NAALADL2: variants seen among roughly 807,000 people sequenced by gnomAD.
The protein encoded by NAALADL2 is N-acetylated alpha-linked acidic dipeptidase like 2.
NAALADL2 carries 76 observed loss-of-function variants against 87.2 expected under a neutral mutation model. That is an observed-to-expected ratio of 0.87 (90% CI 0.72 to 1.05). The LOEUF (loss-of-function observed/expected upper bound fraction) is 1.05. NAALADL2 is among the 50% of genes least tolerant of loss of function. NAALADL2 has a pLI of 0.00. For missense variants in NAALADL2, 1,089 were observed against 945.8 expected, an observed-to-expected ratio of 1.15 and a Z score of -1.99; for synonymous variants, 354 against 331.0, an observed-to-expected ratio of 1.07 and a Z score of -0.75.
intron 10 of NAALADL2, among the ~76,000 whole-genome samples, chr3:175,621,495 C>T (rs1187123313): frequency 6.6e-6 from 1 of 152,116 alleles, no homozygotes; most frequent in Non-Finnish European, 1.5e-5. Flanking sequence ...TATTTAATTA[C>T]CAAGGCTTGG....
chr3:174,713,163 A>G (rs576696949), intron 2 of NAALADL2, among the ~76,000 whole-genome samples: 4 of 152,322 alleles, frequency 2.6e-5, no homozygotes, highest in South Asian at 2.1e-4. Context: ...ATAGTATTCC[A>G]TGGTGTATAT....
At chr3:175,124,406 A>G (rs9849514) in intron 2 of NAALADL2, 91,725 of 151,654 alleles carry the variant, frequency 0.6, 28,244 homozygotes, top group African/African-American at 0.73. Context: ...TCATCCTTAC[A>G]CTTTTTACCT....
At chr3:175,460,997 TGAGTGCTGATTGGTCCATTTTACA>T (rs1723037575) in intron 6 of NAALADL2, among the ~76,000 whole-genome samples, 1 of 152,196 alleles carries the variant, frequency 6.6e-6, no homozygotes, top group East Asian at 1.9e-4. Flanking sequence ...TCCATTTTAC[TGAGTGCTGATTGGTCCATTTTACA>T]GAGTGCTGAC....
At chr3:174,631,267 T>C (rs1722086577) in intron 2 of NAALADL2, among the ~76,000 whole-genome samples, 1 of 152,174 alleles carries the variant, frequency 6.6e-6, no homozygotes, top group African/African-American at 2.4e-5. Context: ...AATGTTCCAG[T>C]CTTAAAATCT....
intron 2 of NAALADL2, among the ~76,000 whole-genome samples, chr3:175,157,663 A>G (rs1732527486): frequency 6.6e-6 from 1 of 152,090 alleles, no homozygotes; most frequent in South Asian, 2.1e-4. Flanking sequence ...ATATAGCCAC[A>G]AAACCTAGCT....
chr3:175,048,508 A>AT (rs11346343), intron 1 of NAALADL2, among the ~76,000 whole-genome samples: 11,748 of 136,042 alleles, frequency 0.086, 504 homozygotes, highest in African/African-American at 0.099. Flanking sequence ...TTCTAAAACC[A>AT]TTTTTTTTTT....
At chr3:175,322,079 C>T (rs10936842) in intron 4 of NAALADL2, among the ~76,000 whole-genome samples, 95,009 of 148,406 alleles carry the variant, frequency 0.64, 32,429 homozygotes, top group African/African-American at 0.88. Flanking sequence ...GCTACCTGAC[C>T]TCAAACTATA....
chr3:175,146,698 G>A (rs773331711), intron 2 of NAALADL2, among the ~76,000 whole-genome samples: 4 of 152,190 alleles, frequency 2.6e-5, no homozygotes, highest in South Asian at 2.1e-4. Context: ...TTCGTGATGC[G>A]TATATGTTTT....
intron 11 of NAALADL2, among the ~76,000 whole-genome samples, chr3:175,698,863 A>G (rs1008052413): frequency 2.0e-5 from 3 of 151,922 alleles, no homozygotes; most frequent in Admixed American, 6.6e-5. Context: ...TATTTCAAAT[A>G]CATACTATCC....
intron 5 of NAALADL2, among the ~76,000 whole-genome samples, chr3:175,358,741 A>G (rs1295373074): frequency 3.9e-5 from 6 of 152,216 alleles, no homozygotes; most frequent in Non-Finnish European, 7.3e-5. Context: ...TCTGGCAGCC[A>G]CACATTTTAT....
chr3:175,570,455 C>CATT (rs1372420897), intron 9 of NAALADL2, among the ~76,000 whole-genome samples: 1 of 152,156 alleles, frequency 6.6e-6, no homozygotes, highest in Non-Finnish European at 1.5e-5. Flanking sequence ...AGCAAGAAAT[C>CATT]ATTTTTTTAA....
At chr3:175,085,970 A>G (rs1718823279) in intron 1 of NAALADL2, among the ~76,000 whole-genome samples, 1 of 152,194 alleles carries the variant, frequency 6.6e-6, no homozygotes, top group South Asian at 2.1e-4. Context: ...ATTGTAAAGG[A>G]TGATTGGAAT....
chr3:175,673,012 A>G (rs1349828831), intron 11 of NAALADL2, among the ~76,000 whole-genome samples: 1 of 152,158 alleles, frequency 6.6e-6, no homozygotes, highest in East Asian at 1.9e-4. Flanking sequence ...TATGAGGAAT[A>G]TTAATGAGTT....
At chr3:175,000,914 G>A (rs569929219) in intron 1 of NAALADL2, among the ~76,000 whole-genome samples, 1 of 152,316 alleles carries the variant, frequency 6.6e-6, no homozygotes, top group South Asian at 2.1e-4. Flanking sequence ...TGCACAGCTA[G>A]CAGAAGACAG....
intron 9 of NAALADL2, among the ~76,000 whole-genome samples, chr3:175,566,792 A>G (rs983208035): frequency 3.9e-5 from 6 of 152,204 alleles, no homozygotes; most frequent in African/African-American, 1.2e-4. Flanking sequence ...TTTATATATT[A>G]TAGAAGCTAG....
chr3:175,703,088 A>C (rs1031485794), intron 11 of NAALADL2, among the ~76,000 whole-genome samples: 2 of 152,178 alleles, frequency 1.3e-5, no homozygotes, highest in Admixed American at 1.3e-4. Context: ...AAAGCTTAGA[A>C]AACATTCCAC....
At chr3:174,576,473 CAT>C (rs1293947817) in intron 2 of NAALADL2, among the ~76,000 whole-genome samples, 1 of 152,086 alleles carries the variant, frequency 6.6e-6, no homozygotes, top group Non-Finnish European at 1.5e-5. Flanking sequence ...AAAATATAAA[CAT>C]GTGAAATGGA....
chr3:174,863,904 T>C (rs1726823635), intron 1 of NAALADL2: 1 of 362,758 alleles, frequency 2.8e-6, no homozygotes, highest in Admixed American at 3.5e-5. Context: ...CACTAGCCCT[T>C]CATGATAGGT....
intron 1 of NAALADL2, among the ~76,000 whole-genome samples, chr3:174,863,421 C>T (rs186977997): frequency 2.8e-4 from 43 of 152,088 alleles, no homozygotes; most frequent in East Asian, 1.9e-4. Context: ...TTTCTCTTTA[C>T]TAAACAAAAG....
Sources: gnomAD v4.1 joint callset for allele counts (sites outside exome capture counted in the v4.1 genomes callset) on GRCh38, gnomAD v4.1.1 for gene constraint, MANE v1.5 for transcripts, NCBI Gene and HGNC (gene_info 2026-07-23, HGNC 2026-07-21) for gene names.